The following PSMG2 variants were observed in gnomAD, a reference collection of about 807,000 sequenced individuals.
The protein encoded by PSMG2 is proteasome assembly chaperone 2.
PSMG2 carries 21 observed loss-of-function variants against 31.5 expected under a neutral mutation model. That is an observed-to-expected ratio of 0.67 (90% CI 0.47 to 0.96). The LOEUF (loss-of-function observed/expected upper bound fraction) is 0.96. PSMG2 is among the 40% of genes least tolerant of loss of function. The pLI is 0.00. For synonymous variants in PSMG2, 120 were observed against 110.4 expected, an observed-to-expected ratio of 1.09 and a Z score of -0.54; for missense variants, 318 against 321.2, an observed-to-expected ratio of 0.99 and a Z score of 0.08.
intron 1 of PSMG2, chr18:12,695,468 G>A (rs150853247): frequency 0.012 from 5,797 of 481,032 alleles, 71 homozygotes; most frequent in Non-Finnish European, 0.015. Flanking sequence ...ATGGAATAAA[G>A]ATAACATTCA....
chr18:12,676,894 G>GA (rs2039153824), intron 1 of PSMG2, among the ~76,000 whole-genome samples: 1 of 152,140 alleles, frequency 6.6e-6, no homozygotes. Context: ...AAAGAACACA[G>GA]AAAACAGGGC....
intron 1 of PSMG2, among the ~76,000 whole-genome samples, chr18:12,687,327 G>T (rs1404412170): frequency 6.6e-6 from 1 of 151,528 alleles, no homozygotes; most frequent in Non-Finnish European, 1.5e-5. Flanking sequence ...CCATACTTTA[G>T]CAAGGAAAAA....
intron 1 of PSMG2, chr18:12,673,375 G>A (rs1310070269): frequency 1.4e-5 from 22 of 1,604,066 alleles, no homozygotes; most frequent in African/African-American, 2.7e-5. Flanking sequence ...CTATAATACC[G>A]AGCGATATTT....
intron 1 of PSMG2, chr18:12,685,012 C>CT (rs932893246): frequency 5.6e-4 from 81 of 145,904 alleles, no homozygotes; most frequent in Admixed American, 6.9e-4. Context: ...GCCATTTTCT[C>CT]TTTTTTTTTT....
intron 1 of PSMG2, among the ~76,000 whole-genome samples, chr18:12,667,188 T>C (rs2038820613): frequency 6.6e-6 from 1 of 152,168 alleles, no homozygotes; most frequent in African/African-American, 2.4e-5. Context: ...GGGCTGGGCA[T>C]GGTGGCTCAC....
intron 1 of PSMG2, among the ~76,000 whole-genome samples, chr18:12,703,778 A>G (rs2040228886): frequency 6.6e-6 from 1 of 152,232 alleles, no homozygotes; most frequent in African/African-American, 2.4e-5. Flanking sequence ...GGGGAGGGAC[A>G]GATGGCTTGT....
chr18:12,719,827 G>A (rs901278066), intron 4 of PSMG2, among the ~76,000 whole-genome samples: 20 of 147,080 alleles, frequency 1.4e-4, no homozygotes, highest in South Asian at 2.2e-4. Context: ...GGGTTCAAGC[G>A]GTTCTCCTGC....
chr18:12,712,689 CT>C lies in PSMG2; in HGVS notation c.230-11del. 1 of 1,574,750 alleles carries C rather than the reference CT, an allele frequency of 6.4e-7. No individual in the cohort carries two copies. Among genetic ancestry groups the C allele is most frequent in the Non-Finnish European group, 8.7e-7 (1 of 1,151,908 alleles). ...CACTGTCATATGATTTCATTTTCTT[CT>C]TGTTTTTATAGTGTATTCATTGCCT... On this transcript the variant is annotated splice_polypyrimidine_tract_variant and intron_variant, in intron 2 of 6. Transcript: ENST00000317615.
intron 1 of PSMG2, among the ~76,000 whole-genome samples, chr18:12,663,982 T>C (rs1400613433): frequency 6.6e-6 from 1 of 152,110 alleles, no homozygotes; most frequent in African/African-American, 2.4e-5. Flanking sequence ...CTGACCAACA[T>C]GGAGAAACCC....
upstream of PSMG2, chr18:12,699,908 A>G (rs374262326): frequency 6.2e-4 from 978 of 1,572,516 alleles, 1 homozygote; most frequent in Admixed American, 1.3e-3. Context: ...ACACTGTCCT[A>G]GAAAGGCAGG....
intron 1 of PSMG2, among the ~76,000 whole-genome samples, chr18:12,670,216 G>A (rs2038908453): frequency 6.6e-6 from 1 of 151,820 alleles, no homozygotes; most frequent in Admixed American, 6.6e-5. Flanking sequence ...TGTAGTCCCA[G>A]CTACTTGGGA....
intron 1 of PSMG2, chr18:12,680,871 T>A: frequency 6.5e-7 from 1 of 1,529,188 alleles, no homozygotes; most frequent in Non-Finnish European, 8.9e-7. Context: ...TTCCATATTA[T>A]TTCCTCATTA....
chr18:12,720,343 C>G (rs1342704566), intron 4 of PSMG2, among the ~76,000 whole-genome samples, 167 bp from the exon 5 acceptor site: 1 of 152,154 alleles, frequency 6.6e-6, no homozygotes, highest in Non-Finnish European at 1.5e-5. Flanking sequence ...ATATTGTCTC[C>G]TAAGTAAGTA....
chr18:12,686,213 G>A (rs1251612547), intron 1 of PSMG2: 1 of 1,423,938 alleles, frequency 7.0e-7, no homozygotes, highest in Non-Finnish European at 9.6e-7. Context: ...TACAAATTCA[G>A]AGTAACTATG....
intron 5 of PSMG2, 136 bp from the exon 6 acceptor site, chr18:12,724,363 T>C (rs764933889): frequency 4.4e-5 from 38 of 854,332 alleles, no homozygotes; most frequent in Admixed American, 7.4e-5. Context: ...CGAAGGGAGA[T>C]GATAAGTGAT....
At chr18:12,712,446 A>G (rs971942774) in intron 2 of PSMG2, among the ~76,000 whole-genome samples, 2 of 152,238 alleles carry the variant, frequency 1.3e-5, no homozygotes, top group Non-Finnish European at 2.9e-5. Flanking sequence ...TAAAGTCAAA[A>G]GAAAAATAAT....
chr18:12,697,825 C>T (rs1481104716), intron 1 of PSMG2, among the ~76,000 whole-genome samples: 5 of 150,814 alleles, frequency 3.3e-5, no homozygotes, highest in African/African-American at 9.7e-5. Flanking sequence ...TACAGCACAT[C>T]GAATCTAGCA....
chr18:12,678,343 C>T, intron 1 of PSMG2: 1 of 1,614,112 alleles, frequency 6.2e-7, no homozygotes, highest in Non-Finnish European at 8.5e-7. Context: ...CCAGGAACAT[C>T]TGATGGTTGA....
At chr18:12,674,886 ATAAT>A (rs1440846614) in intron 1 of PSMG2, 3 of 526,084 alleles carry the variant, frequency 5.7e-6, no homozygotes, top group South Asian at 6.7e-5. Context: ...TTTAATAATA[ATAAT>A]TATAGGGATA....
Sources: allele counts gnomAD v4.1 joint callset (sites outside exome capture counted in the v4.1 genomes callset), GRCh38; gene constraint gnomAD v4.1.1; transcripts MANE v1.5; gene names NCBI Gene and HGNC (gene_info 2026-07-23, HGNC 2026-07-21).